Variants in AGBL4 observed in about 807,000 individuals in gnomAD.
The protein encoded by AGBL4 is AGBL carboxypeptidase 4.
In AGBL4, 58 loss-of-function variants were observed where a neutral mutation model predicts 66.4. That is an observed-to-expected ratio of 0.87 (90% CI 0.71 to 1.09). AGBL4 has a LOEUF of 1.09. Ranked by LOEUF, AGBL4 falls within the 50% of genes least tolerant of loss-of-function variation. The pLI, the probability that AGBL4 is intolerant of heterozygous loss-of-function variation, is 0.00. For missense variants in AGBL4, 579 were observed against 631.0 expected, an observed-to-expected ratio of 0.92 and a Z score of 0.88; for synonymous variants, 234 against 222.9, an observed-to-expected ratio of 1.05 and a Z score of -0.44.
At chr1:49,064,258 T>G (rs921138130) in intron 4 of AGBL4, among the ~76,000 whole-genome samples, 2 of 152,206 alleles carry the variant, frequency 1.3e-5, no homozygotes, top group Non-Finnish European at 2.9e-5. Context: ...CTCTTCTCAA[T>G]AGCAATTTAT....
chr1:49,897,271 C>T (rs532166499), intron 1 of AGBL4, among the ~76,000 whole-genome samples: 1 of 152,006 alleles, frequency 6.6e-6, no homozygotes, highest in African/African-American at 2.4e-5. Context: ...GCAGAATACA[C>T]AATCAACATA....
At chr1:49,617,325 C>T (rs575872227) in intron 3 of AGBL4, among the ~76,000 whole-genome samples, 28 of 152,260 alleles carry the variant, frequency 1.8e-4, no homozygotes, top group African/African-American at 5.5e-4. Flanking sequence ...CAAGTTCCAC[C>T]TTCTCAGTGA....
At chr1:49,297,048 C>A (rs1251100751) in intron 3 of AGBL4, among the ~76,000 whole-genome samples, 1 of 152,126 alleles carries the variant, frequency 6.6e-6, no homozygotes, top group Non-Finnish European at 1.5e-5. Context: ...CAAAAGCATT[C>A]CAAAAAATCC....
At chr1:49,227,008 C>T (rs543498945) in intron 4 of AGBL4, among the ~76,000 whole-genome samples, 1 of 152,252 alleles carries the variant, frequency 6.6e-6, no homozygotes, top group South Asian at 2.1e-4. Flanking sequence ...GAGCACTAAT[C>T]CCATTCACCA....
chr1:49,320,262 G>GA (rs955772508), intron 3 of AGBL4, among the ~76,000 whole-genome samples: 8 of 149,766 alleles, frequency 5.3e-5, no homozygotes, highest in South Asian at 4.2e-4. Flanking sequence ...GTTTTGAAGG[G>GA]AAAAAAAAAA....
At position 49,235,997 on chromosome 1, in the gene AGBL4, G is replaced by GATTGATTT. The variant is rs1553169455; in HGVS notation, c.377+9772_377+9773insAAATCAAT. ...TCAGGTCAAATTATTCATTTTGAAG[G>GATTGATTT]ATTTATTTATTTATTTATTTATTTA... is the stretch of plus-strand genomic sequence containing the variant. On this transcript the variant is annotated intron_variant, in intron 4 of 13. Coordinates refer to ENST00000371839, the MANE Select transcript of AGBL4 (RefSeq NM_032785.4). Among the ~76,000 whole-genome samples the GATTGATTT allele has an allele frequency of 8.1e-5, 12 of 148,488 alleles. No individual in the cohort carries two copies. In the South Asian group the frequency reaches 2.2e-3, roughly 27 times the overall value.
chr1:49,572,111 C>T (rs1423311289), intron 3 of AGBL4, among the ~76,000 whole-genome samples: 2 of 151,964 alleles, frequency 1.3e-5, no homozygotes, highest in African/African-American at 4.8e-5. Flanking sequence ...GGATTCTCTC[C>T]CACTCAATAT....
chr1:49,290,823 C>A (rs1644519218), intron 3 of AGBL4, among the ~76,000 whole-genome samples: 1 of 152,078 alleles, frequency 6.6e-6, no homozygotes, highest in African/African-American at 2.4e-5. Context: ...CACAGTGAGA[C>A]CTCGTTTTTA....
At chr1:49,119,581 G>C (rs370265793) in intron 4 of AGBL4, among the ~76,000 whole-genome samples, 3 of 152,284 alleles carry the variant, frequency 2.0e-5, no homozygotes, top group Non-Finnish European at 4.4e-5. Context: ...TGTGATTTCT[G>C]TTCTTTTACA....
chr1:49,423,678 G>A (rs902932019), intron 3 of AGBL4, among the ~76,000 whole-genome samples: 3 of 151,834 alleles, frequency 2.0e-5, no homozygotes, highest in Non-Finnish European at 4.4e-5. Flanking sequence ...CAGGTGTGGT[G>A]GTACACACCT....
intron 3 of AGBL4, among the ~76,000 whole-genome samples, chr1:49,411,754 G>C (rs1645319675): frequency 6.6e-6 from 1 of 152,122 alleles, no homozygotes; most frequent in Admixed American, 6.5e-5. Context: ...GGTCATTGAA[G>C]AGTTTGAGCA....
chr1:49,991,314 T>C (rs938861503), intron 1 of AGBL4, among the ~76,000 whole-genome samples: 20 of 152,140 alleles, frequency 1.3e-4, no homozygotes, highest in African/African-American at 4.8e-4. Flanking sequence ...TTTTAGTATA[T>C]ATTAAAAAAC....
intron 5 of AGBL4, among the ~76,000 whole-genome samples, chr1:48,967,535 T>A (rs1658544276): frequency 6.6e-6 from 1 of 152,202 alleles, no homozygotes; most frequent in Admixed American, 6.5e-5. Context: ...GATTGCATGA[T>A]AAGCACTCTG....
chr1:48,686,862 C>T (rs1646540759), intron 6 of AGBL4, among the ~76,000 whole-genome samples: 1 of 152,222 alleles, frequency 6.6e-6, no homozygotes, highest in African/African-American at 2.4e-5. Flanking sequence ...GACTCTGCCC[C>T]AAGGCCATCC....
chr1:49,305,502 T>C (rs1184842490), intron 3 of AGBL4, among the ~76,000 whole-genome samples: 5 of 152,184 alleles, frequency 3.3e-5, no homozygotes, highest in African/African-American at 7.2e-5. Flanking sequence ...AACCTGCCTA[T>C]GAAGGGACAA....
chr1:49,524,993 C>T (rs1023524335), intron 3 of AGBL4, among the ~76,000 whole-genome samples: 2 of 152,036 alleles, frequency 1.3e-5, no homozygotes, highest in Non-Finnish European at 2.9e-5. Context: ...TAATTTACGA[C>T]TGCATTATCT....
At chr1:48,688,850 G>GGCCACAA (rs1646576378) in intron 6 of AGBL4, among the ~76,000 whole-genome samples, 1 of 151,676 alleles carries the variant, frequency 6.6e-6, no homozygotes, top group South Asian at 2.1e-4. Flanking sequence ...CAAGAGGGAA[G>GGCCACAA]GGGAGCCTGT....
chr1:49,930,994 T>C (rs1462981099), intron 1 of AGBL4, among the ~76,000 whole-genome samples: 1 of 152,136 alleles, frequency 6.6e-6, no homozygotes, highest in Non-Finnish European at 1.5e-5. Flanking sequence ...TGATTGCCTA[T>C]GTAGAAAATC....
At chr1:49,450,943 A>G (rs1646264738) in intron 3 of AGBL4, among the ~76,000 whole-genome samples, 1 of 152,056 alleles carries the variant, frequency 6.6e-6, no homozygotes, top group South Asian at 2.1e-4. Flanking sequence ...TCCCAATTCT[A>G]TAGGTCAGAA....
Sources: gnomAD v4.1 joint callset for allele counts (sites outside exome capture counted in the v4.1 genomes callset) on GRCh38, gnomAD v4.1.1 for gene constraint, MANE v1.5 for transcripts, NCBI Gene and HGNC (gene_info 2026-07-23, HGNC 2026-07-21) for gene names.